The following CHRDL1 variants were observed in gnomAD, a reference collection of about 807,000 sequenced individuals.
CHRDL1 encodes the protein chordin-like protein 1.
A neutral mutation model predicts 40.9 loss-of-function variants in CHRDL1; 19 were observed. The ratio of observed to expected loss-of-function variants is 0.46; its 90% confidence interval spans 0.32 to 0.68. The LOEUF (loss-of-function observed/expected upper bound fraction) is 0.68. Ranked by LOEUF, CHRDL1 falls within the 30% of genes least tolerant of loss-of-function variation. CHRDL1 has a pLI of 0.03. For synonymous variants in CHRDL1, 136 were observed against 123.4 expected (o/e 1.10, Z -0.68); for missense variants, 329 against 352.1 (o/e 0.93, Z 0.53).
chrX:110,723,501 A>T lies in CHRDL1; in HGVS notation c.302-1971T>A, dbSNP rs144947534. On this transcript the variant is annotated intron_variant, in intron 4 of 11. Transcript: ENST00000372042. ...TTATGCCCATTTTGCAGATGAAGAA[A>T]CTAAGGCTTAAGAGATTGACTTGCC... is the stretch of plus-strand genomic sequence containing the variant. Among the ~76,000 whole-genome samples, 423 of 111,748 alleles carry T rather than the reference A, an allele frequency of 3.8e-3. 2 individuals are homozygous for T. The highest frequency in any genetic ancestry group is 0.013 in the African/African-American group (404 of 30,717).
chrX:110,717,349 C>T (rs2070861589), intron 6 of CHRDL1, among the ~76,000 whole-genome samples: 1 of 112,042 alleles, frequency 8.9e-6, no homozygotes, highest in Admixed American at 9.5e-5. Flanking sequence ...AGCACAGGAA[C>T]AATGCAGTGG....
At chrX:110,725,050 C>T (rs2071030510) in intron 4 of CHRDL1, among the ~76,000 whole-genome samples, 1 of 111,663 alleles carries the variant, frequency 9.0e-6, no homozygotes, top group Non-Finnish European at 1.9e-5. Flanking sequence ...GACCAGGCTG[C>T]GTGGCTTCTA....
At chrX:110,726,251 T>C (rs1644369472) in intron 4 of CHRDL1, among the ~76,000 whole-genome samples, 1 of 111,662 alleles carries the variant, frequency 9.0e-6, no homozygotes, top group African/African-American at 3.3e-5. Flanking sequence ...GTTGAAATCG[T>C]AACCCCCAAG....
At chrX:110,688,980 A>T (rs918073071) in intron 8 of CHRDL1, among the ~76,000 whole-genome samples, 177 bp from the exon 9 acceptor site, 1 of 102,430 alleles carries the variant, frequency 9.8e-6, no homozygotes, top group Non-Finnish European at 2.0e-5. Flanking sequence ...GCCATATTCT[A>T]CTCTCAGGAG....
intron 4 of CHRDL1, among the ~76,000 whole-genome samples, chrX:110,748,501 C>A (rs1256611716): frequency 9.0e-6 from 1 of 111,535 alleles, no homozygotes; most frequent in Non-Finnish European, 1.9e-5. Flanking sequence ...GCTTGTCAGG[C>A]CTGTCATTTT....
At chrX:110,779,746 G>A (rs2089910600) in intron 2 of CHRDL1, among the ~76,000 whole-genome samples, 2 of 111,092 alleles carry the variant, frequency 1.8e-5, no homozygotes. Flanking sequence ...TACTGATATT[G>A]TATTGCATCT....
At chrX:110,779,229 C>T (rs1234151861) in intron 2 of CHRDL1, among the ~76,000 whole-genome samples, 1 of 110,957 alleles carries the variant, frequency 9.0e-6, no homozygotes, top group East Asian at 2.8e-4. Context: ...CAAACCTGCA[C>T]ATGTATCCCT....
At chrX:110,686,900 A>AC (rs1556328851) in intron 9 of CHRDL1, among the ~76,000 whole-genome samples, 3 of 105,347 alleles carry the variant, frequency 2.8e-5, no homozygotes, top group African/African-American at 1.0e-4. Flanking sequence ...ACAAAAAATA[A>AC]AAAAAAAAAT....
chrX:110,744,130 G>C (rs1269173515), intron 4 of CHRDL1, among the ~76,000 whole-genome samples: 1 of 112,387 alleles, frequency 8.9e-6, no homozygotes, highest in Non-Finnish European at 1.9e-5. Context: ...AAACTAAACA[G>C]TCTTACTGCA....
At chrX:110,764,195 G>C (rs751465633) in intron 2 of CHRDL1, among the ~76,000 whole-genome samples, 1 of 111,870 alleles carries the variant, frequency 8.9e-6, no homozygotes, top group Non-Finnish European at 1.9e-5. Flanking sequence ...TGGGTTGTTT[G>C]TTTACTCTGT....
chrX:110,689,578 A>ATCTCTATATCTCTATATC (rs2070142897), intron 8 of CHRDL1, among the ~76,000 whole-genome samples: 1 of 4,318 alleles, frequency 2.3e-4, no homozygotes, highest in East Asian at 2.8e-3. Context: ...ATATCTATAT[A>ATCTCTATATCTCTATATC]TCTATATATC....
chrX:110,767,825 A>G lies in CHRDL1; in HGVS notation c.95-5018T>C, dbSNP rs192432687. 2.7e-5 allele frequency among the ~76,000 whole-genome samples: 3 copies of G among 110,929 alleles called. No individual in the cohort carries two copies. The East Asian group carries it at 8.5e-4, about 31-fold the overall frequency. The stretch of plus-strand genomic sequence containing the variant: ...CTGACAAAAGCAATCAGCAAATTCA[A>G]TACAATCCCCATCAAAATACCACAG... On this transcript the variant is annotated intron_variant, in intron 2 of 11. Transcript: ENST00000372042.
At chrX:110,749,281 C>T (rs932466708) in intron 4 of CHRDL1, among the ~76,000 whole-genome samples, 2 of 111,487 alleles carry the variant, frequency 1.8e-5, no homozygotes, top group Non-Finnish European at 3.8e-5. Flanking sequence ...CTTGTGGGGA[C>T]ACTTACATTA....
intron 2 of CHRDL1, among the ~76,000 whole-genome samples, chrX:110,764,210 T>A (rs2089618755): frequency 8.9e-6 from 1 of 112,247 alleles, no homozygotes; most frequent in African/African-American, 3.2e-5. Context: ...CTCTGTTGAC[T>A]GTTCCTTTTG....
intron 4 of CHRDL1, among the ~76,000 whole-genome samples, chrX:110,754,563 C>T (rs1261738128): frequency 8.9e-6 from 1 of 112,230 alleles, no homozygotes; most frequent in African/African-American, 3.2e-5. Context: ...TATGGGAACA[C>T]ATACTATAGT....
intron 4 of CHRDL1, among the ~76,000 whole-genome samples, chrX:110,723,839 T>C (rs1388744704): frequency 1.8e-5 from 2 of 112,691 alleles, no homozygotes; most frequent in African/African-American, 6.5e-5. Context: ...AGTAATTCAC[T>C]CTCAGGGTGT....
At position 110,688,650 on chromosome X, in the gene CHRDL1, T is replaced by C. The variant is rs1268828070; in HGVS notation, c.932A>G (p.Tyr311Cys). Residue 311 changes from tyrosine to cysteine, a missense_variant, in exon 9 of 12, where the codon TAT becomes TGT. Physicochemically the swap from Tyr to Cys is radical, Grantham distance 194. Transcript: ENST00000372042. ...GCATTTTCCGTCTATTTTTTGAGGATACTTGCAGGGGTATCGATTGGGGCA... is the reference window on the plus strand; with the variant it reads ...GCATTTTCCGTCTATTTTTTGAGGACACTTGCAGGGGTATCGATTGGGGCA... ...IHCPNRYPCK[Y>C]PQKIDGKCCK... 1.7e-6 allele frequency: 2 copies of C among 1,208,105 alleles called. No individual in the cohort carries two copies. The highest frequency in any genetic ancestry group is 2.2e-5 in the Admixed American group (1 of 45,455).
chrX:110,682,651 G>A (rs1569459200), intron 9 of CHRDL1, among the ~76,000 whole-genome samples: 1 of 111,971 alleles, frequency 8.9e-6, no homozygotes, highest in Non-Finnish European at 1.9e-5. Flanking sequence ...CTCTAATTAG[G>A]GAGACTCACT....
chrX:110,758,563 A>G (rs2089500821), intron 4 of CHRDL1, among the ~76,000 whole-genome samples: 1 of 111,398 alleles, frequency 9.0e-6, no homozygotes, highest in Non-Finnish European at 1.9e-5. Context: ...GGAACATTTC[A>G]GTTGACTGGG....
Sources: gnomAD v4.1 joint callset for allele counts (sites outside exome capture counted in the v4.1 genomes callset) on GRCh38, gnomAD v4.1.1 for gene constraint, MANE v1.5 for transcripts, NCBI Gene and HGNC (gene_info 2026-07-23, HGNC 2026-07-21) for gene names.